Variants in LINGO3 observed in about 807,000 individuals in gnomAD.
The protein encoded by LINGO3 is leucine rich repeat and Ig domain containing 3.
For synonymous variants in LINGO3, 427 were observed against 444.2 expected, an observed-to-expected ratio of 0.96 and a Z score of 0.49; for missense variants, 750 against 867.7, an observed-to-expected ratio of 0.86 and a Z score of 1.70.
chr19:2,292,937 A>C (rs2145089098), upstream of LINGO3, among the ~76,000 whole-genome samples: 1 of 152,326 alleles, frequency 6.6e-6, no homozygotes, highest in South Asian at 2.1e-4. Flanking sequence ...GCAGCCACCC[A>C]CACACGAACA....
the LINGO3 span, among the ~76,000 whole-genome samples, chr19:2,300,247 G>T: frequency 6.6e-6 from 1 of 151,432 alleles, no homozygotes; most frequent in African/African-American, 2.4e-5. Flanking sequence ...GGCCAGGCTG[G>T]TCTCGAACTC....
downstream of LINGO3, among the ~76,000 whole-genome samples, chr19:2,288,989 G>C (rs541872680): frequency 6.6e-6 from 1 of 151,220 alleles, no homozygotes; most frequent in South Asian, 2.1e-4. This position sits in a 1 kb window ranked among gnomAD's most constrained non-coding sequence, Gnocchi z 6.5. Flanking sequence ...GGTGTGAGCT[G>C]TGTGTGTCCC....
At chr19:2,298,301 G>A in the LINGO3 span, among the ~76,000 whole-genome samples, 1 of 151,822 alleles carries the variant, frequency 6.6e-6, no homozygotes, top group African/African-American at 2.4e-5. Flanking sequence ...TGTGATCTCG[G>A]CTCACTGCAG....
rs2025504957 is a variant in LINGO3 at position 2,290,283 on chromosome 19, G to A, written c.1494C>T (p.Arg498=). ...GGGTCCGGTTGGCGGCCGGCTCGGG[G>A]CGCACGGTCAGCGTGGCGAAGTAGG... is the stretch of plus-strand genomic sequence containing the variant. Residue 498 remains arginine (R), a synonymous_variant, in exon 1 of 1, where the codon CGC becomes CGT. Transcript: ENST00000585527. This position sits in a 1 kb window ranked among gnomAD's most constrained non-coding sequence, Gnocchi z 6.0. 1 of 1,588,092 alleles carries A rather than the reference G, an allele frequency of 6.3e-7. No homozygotes were observed. Among genetic ancestry groups the A allele is most frequent in the African/African-American group, 1.3e-5 (1 of 74,220 alleles).
At chr19:2,288,378 G>A (rs769834805), downstream of LINGO3, among the ~76,000 whole-genome samples, 4 of 152,324 alleles carry the variant, frequency 2.6e-5, no homozygotes, top group South Asian at 4.1e-4. This position sits in a 1 kb window ranked among gnomAD's most constrained non-coding sequence, Gnocchi z 6.5. Context: ...CTTTGGTCTC[G>A]TTCCCCACCT....
upstream of LINGO3, among the ~76,000 whole-genome samples, chr19:2,295,472 C>T (rs1184675373): frequency 2.0e-5 from 3 of 152,220 alleles, no homozygotes; most frequent in Non-Finnish European, 4.4e-5. Flanking sequence ...CGGTGGCTCA[C>T]GCCTGTCATC....
the LINGO3 span, among the ~76,000 whole-genome samples, chr19:2,303,682 C>T: frequency 3.5e-4 from 53 of 152,320 alleles, 1 homozygote; most frequent in East Asian, 9.2e-3. Context: ...GACCCCAGGT[C>T]GCCCTGCCTC....
At chr19:2,294,758 C>T (rs1386046384), upstream of LINGO3, among the ~76,000 whole-genome samples, 1 of 152,016 alleles carries the variant, frequency 6.6e-6, no homozygotes, top group South Asian at 2.1e-4. This position sits in a 1 kb window ranked among gnomAD's most constrained non-coding sequence, Gnocchi z 4.3. Context: ...GCCTGCTGCA[C>T]CCTTACCAGC....
downstream of LINGO3, chr19:2,289,715 GCCCATCCCCCCATCCTTGCAGCCCGCAC>G: frequency 2.9e-6 from 1 of 344,134 alleles, no homozygotes; most frequent in Non-Finnish European, 5.3e-6. Flanking sequence ...GTAGACGGGA[GCCCATCCCCCCATCCTTGCAGCCCGCAC>G]CCCCACCCCC....
chr19:2,302,956 C>G, the LINGO3 span, among the ~76,000 whole-genome samples: 1 of 152,250 alleles, frequency 6.6e-6, no homozygotes. Flanking sequence ...GGAGGCACAG[C>G]GGCTTCCACG....
chr19:2,303,356 TG>T, the LINGO3 span, among the ~76,000 whole-genome samples: 2,600 of 149,470 alleles, frequency 0.017, 64 homozygotes, highest in African/African-American at 0.054. Context: ...CAGGGAGCTG[TG>T]GGGGGGGGGG....
the LINGO3 span, among the ~76,000 whole-genome samples, chr19:2,308,129 A>T: frequency 7.5e-6 from 1 of 133,668 alleles, no homozygotes; most frequent in Non-Finnish European, 1.6e-5. Context: ...GGCCGCCCGG[A>T]GCCGACACGA....
chr19:2,297,297 TCC>T, the LINGO3 span, among the ~76,000 whole-genome samples: 1 of 38,694 alleles, frequency 2.6e-5, no homozygotes, highest in African/African-American at 1.1e-4. Flanking sequence ...GCACCCTCCC[TCC>T]CCCCCTTTTT....
In LINGO3 at chr19:2,291,552, G is replaced by C. The variant is rs755306858; in HGVS notation, c.225C>G (p.Ala75=). The C allele has an allele frequency of 1.7e-5, 27 of 1,593,330 alleles. No homozygotes were observed. The African/African-American group carries it at 3.1e-4, about 18-fold the overall frequency. Residue 75 remains alanine (A), a synonymous_variant, in exon 1 of 1, where the codon GCC becomes GCG. Transcript: ENST00000585527. Reference sequence around the variant, plus strand: ...CCAGCTCCTCCAGCGCGGGCAGCGCGGCCAGGTCGCCCGGGTTCAGGCAGC... The same window carrying C: ...CCAGCTCCTCCAGCGCGGGCAGCGCCGCCAGGTCGCCCGGGTTCAGGCAGC...
chr19:2,297,054 T>C, the LINGO3 span, among the ~76,000 whole-genome samples: 3 of 151,006 alleles, frequency 2.0e-5, no homozygotes, highest in Non-Finnish European at 2.9e-5. Flanking sequence ...ATCACGCCAC[T>C]GCACTCCAAC....
chr19:2,290,433 C>A lies in LINGO3; in HGVS notation c.1344G>T (p.Pro448=). 7.1e-7 allele frequency: 1 copy of A among 1,413,512 alleles called. No individual in the cohort carries two copies. Among genetic ancestry groups the A allele is most frequent in the Non-Finnish European group, 9.2e-7 (1 of 1,092,886 alleles). 87.6% of individuals were successfully genotyped at this position (1,413,512 alleles called of 1,614,324 possible). A position where few individuals can be genotyped will look rare whatever the true frequency, so the allele number is the denominator to read the frequency against. Residue 448 remains proline, a synonymous_variant, in exon 1 of 1, where the codon CCG becomes CCT. Coordinates refer to ENST00000585527, the Ensembl canonical transcript of LINGO3. The surrounding 1 kb of genome is among the most constrained non-coding windows in gnomAD (Gnocchi z 6.0). ...CCCGGCCCGCGCTGGTGGCCGTCAC[C>A]GGCCGGTGCTGGGGGGTCACCCAGG...
chr19:2,290,218 G>A lies in LINGO3; in HGVS notation c.1559C>T (p.Ala520Val), dbSNP rs1452813428. 1.9e-6 allele frequency: 3 copies of A among 1,607,078 alleles called. No individual in the cohort carries two copies. Among genetic ancestry groups the A allele is most frequent in the Admixed American group, 3.4e-5 (2 of 59,700 alleles). Reference sequence around the variant, plus strand: ...CAGGATGGTGGTGAGGTCGAGCGGCGCGCGCAGGGCCGCCAGCGTCTCGTT... The same window carrying A: ...CAGGATGGTGGTGAGGTCGAGCGGCACGCGCAGGGCCGCCAGCGTCTCGTT... Residue 520 changes from alanine to valine, a missense_variant, in exon 1 of 1, where the codon GCG (alanine) becomes GTG (valine). By Grantham distance (64) the Ala-to-Val change is moderately conservative. Transcript: ENST00000585527. This position sits in a 1 kb window ranked among gnomAD's most constrained non-coding sequence, Gnocchi z 6.0.
upstream of LINGO3, chr19:2,292,043 C>T (rs888026538): frequency 4.6e-5 from 21 of 453,150 alleles, no homozygotes; most frequent in South Asian, 9.1e-5. Flanking sequence ...AAAAGATGAG[C>T]CGCATGTGGT....
the LINGO3 span, among the ~76,000 whole-genome samples, chr19:2,299,824 T>C: frequency 2.6e-4 from 36 of 138,584 alleles, no homozygotes; most frequent in South Asian, 3.1e-3. Context: ...CCTGGGTTCA[T>C]GCCATTCTCC....
Sources: allele counts gnomAD v4.1 joint callset (sites outside exome capture counted in the v4.1 genomes callset), GRCh38; gene constraint gnomAD v4.1.1; non-coding constraint Gnocchi (gnomAD v3.1); transcripts MANE v1.5; gene names NCBI Gene and HGNC (gene_info 2026-07-23, HGNC 2026-07-21).